The following CAPN8 variants were observed in gnomAD, a reference collection of about 807,000 sequenced individuals.
CAPN8 encodes the protein calpain 8, also known as calpain-8.
Under a neutral mutation model 80.9 loss-of-function variants are expected in CAPN8, and 87 were observed. The observed-to-expected ratio is 1.07, with a 90% CI of 0.90 to 1.28. The LOEUF is 1.28. CAPN8 is among the 50% of genes most tolerant of loss of function. The pLI is 0.00. For missense variants in CAPN8, 757 were observed against 702.0 expected (o/e 1.08, Z -0.89); for synonymous variants, 299 against 273.8 (o/e 1.09, Z -0.91).
chr1:223,614,073 CT>C (rs1432377219), intron 10 of CAPN8, among the ~76,000 whole-genome samples: 12 of 152,328 alleles, frequency 7.9e-5, no homozygotes, highest in African/African-American at 2.9e-4. Flanking sequence ...ATTTCAGTCC[CT>C]TTGAAAGAAT....
In CAPN8 at chr1:223,547,430, A is replaced by G. The variant is rs114386231; in HGVS notation, c.1764+1888T>C. 6.7e-3 allele frequency among the ~76,000 whole-genome samples: 1,015 copies of G among 152,296 alleles called. 11 individuals are homozygous for G. The highest frequency in any genetic ancestry group is 0.023 in the African/African-American group (954 of 41,554). ...GACAAATTTGTAGAGACAGAAAGTA[A>G]ATTAGTGGTTGCCTAGGGATGGTCG... is the stretch of plus-strand genomic sequence containing the variant. On this transcript the variant is annotated intron_variant, in intron 16 of 20. Transcript: ENST00000366872.
At chr1:223,632,318 C>T (rs1169682005) in intron 2 of CAPN8, among the ~76,000 whole-genome samples, 1 of 152,200 alleles carries the variant, frequency 6.6e-6, no homozygotes, top group African/African-American at 2.4e-5. Flanking sequence ...CATTTAGAAA[C>T]TTGTTTGGGG....
chr1:223,647,598 C>T (rs1658225892), intron 2 of CAPN8, among the ~76,000 whole-genome samples: 1 of 152,040 alleles, frequency 6.6e-6, no homozygotes, highest in Admixed American at 6.6e-5. Context: ...GTCACAGATT[C>T]CACTGTGACT....
At chr1:223,648,222 G>T (rs906382489) in intron 2 of CAPN8, among the ~76,000 whole-genome samples, 4 of 152,198 alleles carry the variant, frequency 2.6e-5, no homozygotes, top group Non-Finnish European at 5.9e-5. Flanking sequence ...GCGCCGATGC[G>T]CCGCGGAGTA....
At chr1:223,544,282 G>C (rs1002399379) in intron 18 of CAPN8, 99 bp from the exon 19 acceptor site, 3 of 662,958 alleles carry the variant, frequency 4.5e-6, no homozygotes, top group Non-Finnish European at 8.3e-6. Context: ...CCCCTCTGTG[G>C]TTCTGTATCA....
At chr1:223,615,529 C>T (rs1219350539) in intron 10 of CAPN8, among the ~76,000 whole-genome samples, 1 of 152,176 alleles carries the variant, frequency 6.6e-6, no homozygotes, top group East Asian at 1.9e-4. Flanking sequence ...CTGTGTGCTC[C>T]AAGTGTCTCA....
intron 2 of CAPN8, among the ~76,000 whole-genome samples, chr1:223,640,207 G>A (rs1375209689): frequency 6.6e-6 from 1 of 152,034 alleles, no homozygotes; most frequent in African/African-American, 2.4e-5. Flanking sequence ...CTTCTTAAGA[G>A]TTCTTATAAA....
intron 1 of CAPN8, among the ~76,000 whole-genome samples, chr1:223,660,404 T>C (rs1658613392): frequency 6.6e-6 from 1 of 152,140 alleles, no homozygotes; most frequent in South Asian, 2.1e-4. Flanking sequence ...CGATCTCACA[T>C]AGCCAACCAT....
chr1:223,545,322 T>G (rs1213752396), intron 16 of CAPN8, 23 bp from the exon 17 acceptor site: 1 of 1,551,496 alleles, frequency 6.4e-7, no homozygotes. Context: ...AAGACCAACA[T>G]GATTGAGTCC....
rs1353041812 is a variant in CAPN8, at chr1:223,608,961, G to A, written c.1535+192C>T. 3.0e-3 allele frequency among the ~76,000 whole-genome samples: 443 copies of A among 147,652 alleles called. 11 individuals carry two copies. The highest frequency in any genetic ancestry group is 0.01 in the African/African-American group (405 of 39,026). Reference sequence around the variant, plus strand: ...TGCTGGTCTGGTTCTCTTTCTCTCCGTGACCTATAGAGCAAGGTGGAGGGG... The same window carrying A: ...TGCTGGTCTGGTTCTCTTTCTCTCCATGACCTATAGAGCAAGGTGGAGGGG... On this transcript the variant is annotated intron_variant, in intron 12 of 20. Coordinates refer to ENST00000366872, the MANE Select transcript of CAPN8 (RefSeq NM_001143962.2).
rs754445605 is a variant in CAPN8 at position 223,622,801 on chromosome 1, G to A, written c.899+14C>T. 4.5e-6 allele frequency: 7 copies of A among 1,549,110 alleles called. No homozygotes were observed. The highest frequency in any genetic ancestry group is 6.1e-6 in the Non-Finnish European group (7 of 1,144,640). ...AGGGAGAGATGACTGGAGAAGCGGGGGAAAAAAACCTACTCATCGCTCCAG... is the reference window on the plus strand; with the variant it reads ...AGGGAGAGATGACTGGAGAAGCGGGAGAAAAAAACCTACTCATCGCTCCAG... On this transcript the variant is annotated intron_variant, in intron 7 of 20. Coordinates refer to ENST00000366872, the MANE Select transcript of CAPN8 (RefSeq NM_001143962.2).
intron 6 of CAPN8, 150 bp from the exon 7 acceptor site, chr1:223,623,050 T>C (rs1422355770): frequency 3.2e-6 from 2 of 623,608 alleles, no homozygotes; most frequent in Non-Finnish European, 5.6e-6. Flanking sequence ...TTTTCAGGCT[T>C]GGGCCAAGTG....
intron 11 of CAPN8, among the ~76,000 whole-genome samples, chr1:223,611,163 C>T (rs1185869741): frequency 6.6e-5 from 10 of 152,298 alleles, no homozygotes; most frequent in Non-Finnish European, 1.5e-4. Context: ...ACCACCATCA[C>T]CCAGACTTAA....
At chr1:223,624,589 C>T (rs564624786) in intron 6 of CAPN8, among the ~76,000 whole-genome samples, 5 of 152,188 alleles carry the variant, frequency 3.3e-5, no homozygotes, top group Non-Finnish European at 1.5e-5. Flanking sequence ...TGGCACTTGC[C>T]TGTAGTCCCA....
chr1:223,645,363 C>A (rs1658160337), intron 2 of CAPN8, among the ~76,000 whole-genome samples: 1 of 152,172 alleles, frequency 6.6e-6, no homozygotes, highest in Admixed American at 6.5e-5. Context: ...AACACCCACA[C>A]AGACACACCC....
intron 1 of CAPN8, among the ~76,000 whole-genome samples, chr1:223,656,375 A>G (rs1306669478): frequency 2.6e-5 from 4 of 152,072 alleles, no homozygotes; most frequent in African/African-American, 9.7e-5. Context: ...AGGCTGAGGC[A>G]GGAGAACCCA....
At chr1:223,541,945 T>C (rs1042676400) in intron 20 of CAPN8, 86 bp from the exon 21 acceptor site, 94 of 1,544,400 alleles carry the variant, frequency 6.1e-5, no homozygotes, top group Non-Finnish European at 8.1e-5. Context: ...CTCACATGGG[T>C]GCGATCTTTT....
At chr1:223,615,644 C>A in intron 10 of CAPN8, 1 of 466,280 alleles carries the variant, frequency 2.1e-6, no homozygotes, top group Non-Finnish European at 4.3e-6. Context: ...CCTTATGCCC[C>A]CATGTTCTTG....
intron 2 of CAPN8, among the ~76,000 whole-genome samples, chr1:223,646,036 G>A (rs1446462439): frequency 6.6e-6 from 1 of 152,154 alleles, no homozygotes; most frequent in African/African-American, 2.4e-5. Context: ...AAAATAGACT[G>A]CACTCTGTAC....
Sources: allele counts gnomAD v4.1 joint callset (sites outside exome capture counted in the v4.1 genomes callset), GRCh38; gene constraint gnomAD v4.1.1; transcripts MANE v1.5; gene names NCBI Gene and HGNC (gene_info 2026-07-23, HGNC 2026-07-21).